Variants in ALOX5 observed in about 807,000 individuals in gnomAD.
The protein encoded by ALOX5 is polyunsaturated fatty acid 5-lipoxygenase.
A neutral mutation model predicts 87.9 loss-of-function variants in ALOX5; 64 were observed. That is an observed-to-expected ratio of 0.73 (90% CI 0.60 to 0.90). The LOEUF (loss-of-function observed/expected upper bound fraction) is 0.90, where lower values mean the gene tolerates loss of function less well. Among genes scored for constraint, ALOX5 ranks in the 40% least tolerant of loss-of-function variants. The pLI is 0.00. For missense variants in ALOX5, 822 were observed against 907.5 expected (o/e 0.91, Z 1.21); for synonymous variants, 388 against 355.1 (o/e 1.09, Z -1.04).
chr10:45,419,038 C>T (rs975684802), intron 4 of ALOX5, among the ~76,000 whole-genome samples: 1 of 152,202 alleles, frequency 6.6e-6, no homozygotes, highest in Non-Finnish European at 1.5e-5. Context: ...GATGGAGCCG[C>T]CCTCTCCCCA....
At chr10:45,426,027 C>T (rs1841691700) in intron 6 of ALOX5, among the ~76,000 whole-genome samples, 1 of 152,186 alleles carries the variant, frequency 6.6e-6, no homozygotes, top group Admixed American at 6.5e-5. Flanking sequence ...TCCTAACCTC[C>T]TCCTCCTCCT....
intron 12 of ALOX5, 60 bp downstream of exon 12, chr10:45,443,888 C>A: frequency 6.6e-7 from 1 of 1,525,644 alleles, no homozygotes; most frequent in Non-Finnish European, 8.9e-7. Flanking sequence ...CCTCCTCCCC[C>A]GCCCCGGTTC....
At chr10:45,420,176 T>C (rs1386092194) in intron 4 of ALOX5, among the ~76,000 whole-genome samples, 2 of 152,210 alleles carry the variant, frequency 1.3e-5, no homozygotes, top group African/African-American at 4.8e-5. Context: ...AATAATCCCC[T>C]TCTATTAACT....
intron 3 of ALOX5, among the ~76,000 whole-genome samples, chr10:45,409,535 GTCTC>G (rs1295511994): frequency 1.3e-5 from 1 of 79,770 alleles, no homozygotes; most frequent in Non-Finnish European, 2.7e-5. Context: ...CTCTCTCTCT[GTCTC>G]TCTGTCTCTC....
Position 45,440,455 on chromosome 10 carries a change from A to C in ALOX5, c.1007A>C (p.Asn336Thr). 6.2e-7 allele frequency: 1 copy of C among 1,614,192 alleles called. No homozygotes were observed. Among genetic ancestry groups the C allele is most frequent in the Non-Finnish European group, 8.5e-7 (1 of 1,180,032 alleles). The part of the protein sequence containing the change: ...IQLNQIPGDE[N>T]PIFLPSDAKY... ...CTCAACCAAATCCCGGGAGATGAGA[A>C]CCCTATTTTCCTCCCTTCGGATGCA... Residue 336 changes from asparagine (N) to threonine (T), a missense_variant, in exon 8 of 14, where the codon AAC (asparagine) becomes ACC (threonine). Coordinates refer to ENST00000374391, the MANE Select transcript of ALOX5 (RefSeq NM_000698.5).
intron 8 of ALOX5, 68 bp from the exon 9 acceptor site, chr10:45,441,276 G>T: frequency 7.0e-7 from 1 of 1,423,572 alleles, no homozygotes; most frequent in Non-Finnish European, 9.9e-7. Context: ...TGGGGGAGCT[G>T]CGGGTCCCTG....
chr10:45,425,593 G>T lies in ALOX5; in HGVS notation c.834+461G>T, dbSNP rs12774534. On this transcript the variant is annotated intron_variant, in intron 6 of 13. Coordinates refer to ENST00000374391, the MANE Select transcript of ALOX5 (RefSeq NM_000698.5). This position sits in a 1 kb window ranked among gnomAD's most constrained non-coding sequence, Gnocchi z 4.4. ...ACCCAACAGAATGGTTGATTTTCTC[G>T]TTAGAAATGCTGCTGCCCATGCTCC... Among the ~76,000 whole-genome samples, 1,761 of 152,278 alleles carry T rather than the reference G, an allele frequency of 0.012. 20 individuals are homozygous for T. Among genetic ancestry groups the T allele is most frequent in the Non-Finnish European group, 0.014 (981 of 68,022 alleles).
chr10:45,384,729 C>T (rs1839954177), intron 2 of ALOX5, among the ~76,000 whole-genome samples: 1 of 152,152 alleles, frequency 6.6e-6, no homozygotes, highest in South Asian at 2.1e-4. Context: ...CCATCATATT[C>T]TACTGGTCCA....
intron 6 of ALOX5, among the ~76,000 whole-genome samples, chr10:45,427,420 C>T (rs1329015107): frequency 2.0e-5 from 3 of 152,342 alleles, no homozygotes; most frequent in Non-Finnish European, 2.9e-5. Flanking sequence ...CTGCTTCCCC[C>T]GCCCATCGCG....
At chr10:45,424,219 G>A in intron 5 of ALOX5, 72 bp downstream of exon 5, 1 of 1,352,770 alleles carries the variant, frequency 7.4e-7, no homozygotes, top group Non-Finnish European at 1.1e-6. Flanking sequence ...ATACTTGCCG[G>A]GAAATTGACA....
intron 1 of ALOX5, among the ~76,000 whole-genome samples, chr10:45,378,718 A>T (rs1193109937): frequency 2.0e-5 from 3 of 152,104 alleles, no homozygotes; most frequent in Non-Finnish European, 4.4e-5. Context: ...GGATGTTAGA[A>T]CCACAGCCAT....
In ALOX5 at chr10:45,428,613, T is replaced by C; in HGVS notation, c.835-5T>C. 1 of 1,614,074 alleles carries C rather than the reference T, an allele frequency of 6.2e-7. No individual in the cohort carries two copies. Among genetic ancestry groups the C allele is most frequent in the Non-Finnish European group, 8.5e-7 (1 of 1,180,000 alleles). On this transcript the variant is annotated splice_polypyrimidine_tract_variant and splice_region_variant and intron_variant, in intron 6 of 13. Transcript: ENST00000374391. ...GATTTGGACACATCTCTCTGCCTCCTGCAGCAAGGGAACATTTTCATCGTG... is the reference window on the plus strand; with the variant it reads ...GATTTGGACACATCTCTCTGCCTCCCGCAGCAAGGGAACATTTTCATCGTG...
At chr10:45,416,051 G>T (rs894504379) in intron 4 of ALOX5, among the ~76,000 whole-genome samples, 3 of 152,176 alleles carry the variant, frequency 2.0e-5, no homozygotes, top group Non-Finnish European at 4.4e-5. Flanking sequence ...CCCTGGCTTT[G>T]AGTCTGCACA....
chr10:45,441,709 C>A, intron 9 of ALOX5: 1 of 453,036 alleles, frequency 2.2e-6, no homozygotes, highest in South Asian at 4.0e-5. Context: ...TGGGTGTAGA[C>A]CCCCCTCTGG....
At chr10:45,419,007 G>T (rs937236032) in intron 4 of ALOX5, among the ~76,000 whole-genome samples, 11 of 152,240 alleles carry the variant, frequency 7.2e-5, no homozygotes, top group Non-Finnish European at 1.3e-4. Context: ...ATGGGCGGGG[G>T]CAGCTCCGGG....
At chr10:45,389,778 G>T (rs1046426603) in intron 2 of ALOX5, among the ~76,000 whole-genome samples, 4 of 152,176 alleles carry the variant, frequency 2.6e-5, no homozygotes, top group African/African-American at 9.7e-5. Flanking sequence ...GGAAGAAACT[G>T]CATCAACTAA....
intron 4 of ALOX5, 107 bp downstream of exon 4, chr10:45,412,420 C>T: frequency 2.8e-6 from 4 of 1,418,788 alleles, no homozygotes; most frequent in African/African-American, 1.4e-5. Flanking sequence ...GGGGGAACAG[C>T]CTAGCTGAGC....
intron 13 of ALOX5, chr10:45,444,545 C>T (rs924303846): frequency 1.1e-5 from 5 of 443,424 alleles, no homozygotes; most frequent in African/African-American, 2.0e-5. Flanking sequence ...TGTGACGCCC[C>T]CTCCCCCCAG....
chr10:45,441,560 G>T, intron 9 of ALOX5, 130 bp downstream of exon 9: 1 of 879,078 alleles, frequency 1.1e-6, no homozygotes, highest in Non-Finnish European at 1.8e-6. Flanking sequence ...CAGAGCACTG[G>T]CTCCAGCATC....
Sources: gnomAD v4.1 joint callset for allele counts (sites outside exome capture counted in the v4.1 genomes callset) on GRCh38, gnomAD v4.1.1 for gene constraint, Gnocchi (gnomAD v3.1) non-coding constraint, MANE v1.5 for transcripts, NCBI Gene and HGNC (gene_info 2026-07-23, HGNC 2026-07-21) for gene names.